PHLDB2: variants seen among roughly 807,000 people sequenced by gnomAD.
The protein encoded by PHLDB2 is pleckstrin homology like domain family B member 2.
In PHLDB2, 71 loss-of-function variants were observed where a neutral mutation model predicts 123.6. That is an observed-to-expected ratio of 0.57 (90% CI 0.47 to 0.70). The LOEUF (loss-of-function observed/expected upper bound fraction) is 0.70. Ranked by LOEUF, PHLDB2 falls within the 30% of genes least tolerant of loss-of-function variation. PHLDB2 has a pLI of 0.00. For missense variants in PHLDB2, 1,446 were observed against 1,519.5 expected (o/e 0.95, Z 0.80); for synonymous variants, 547 against 541.6 (o/e 1.01, Z -0.14).
chr3:111,803,814 A>G (rs1057075754), intron 1 of PHLDB2, among the ~76,000 whole-genome samples: 1 of 152,186 alleles, frequency 6.6e-6, no homozygotes, highest in African/African-American at 2.4e-5. Flanking sequence ...AAAGAATGAA[A>G]ATTTCCAATT....
chr3:111,859,421 G>C lies in PHLDB2; in HGVS notation c.-170G>C. 1 of 985,630 alleles carries C rather than the reference G, an allele frequency of 1.0e-6. No homozygotes were observed. Among genetic ancestry groups the C allele is most frequent in the Non-Finnish European group, 1.2e-6 (1 of 830,082 alleles). 61.1% of individuals were successfully genotyped at this position (985,630 alleles called of 1,614,324 possible). ...CTCGAACTCCCTGGGTGCCCGCCGCGGTGGTTACAAAGGGGGTCAAGAGTG... is the reference window on the plus strand; with the variant it reads ...CTCGAACTCCCTGGGTGCCCGCCGCCGTGGTTACAAAGGGGGTCAAGAGTG... On this transcript the variant is annotated 5_prime_UTR_variant, in exon 1 of 18. Coordinates refer to ENST00000431670, the MANE Select transcript of PHLDB2 (RefSeq NM_001134438.2).
intron 16 of PHLDB2, among the ~76,000 whole-genome samples, 179 bp from the exon 17 acceptor site, chr3:111,973,553 T>C (rs1045620079): frequency 6.6e-6 from 1 of 152,138 alleles, no homozygotes; most frequent in Non-Finnish European, 1.5e-5. Flanking sequence ...ATGGCTTTTC[T>C]TTTTTTATTT....
chr3:111,862,891 A>G (rs1337149946), intron 1 of PHLDB2, among the ~76,000 whole-genome samples: 1 of 152,074 alleles, frequency 6.6e-6, no homozygotes, highest in Non-Finnish European at 1.5e-5. Context: ...AAACTGAGAC[A>G]CTCAGAGCTT....
intron 1 of PHLDB2, among the ~76,000 whole-genome samples, chr3:111,820,986 G>A (rs1003179687): frequency 7.2e-5 from 11 of 152,306 alleles, no homozygotes; most frequent in Admixed American, 4.6e-4. Flanking sequence ...TGCTAGTTGG[G>A]AGAGTGCAAT....
intron 1 of PHLDB2, among the ~76,000 whole-genome samples, chr3:111,737,639 C>G (rs2059532486): frequency 6.6e-6 from 1 of 151,970 alleles, no homozygotes; most frequent in African/African-American, 2.4e-5. Context: ...AGGATTCAAA[C>G]AGTTTGAATG....
chr3:111,740,650 A>C (rs2059587674), intron 1 of PHLDB2, among the ~76,000 whole-genome samples: 2 of 152,142 alleles, frequency 1.3e-5, no homozygotes, highest in Admixed American at 1.3e-4. Context: ...GACTGTCACA[A>C]CCGTATTAAC....
Position 111,952,662 on chromosome 3 carries a change from A to G in PHLDB2, c.2722A>G (p.Ile908Val). The G allele has an allele frequency of 6.2e-7, 1 of 1,613,960 alleles. No individual in the cohort carries two copies. Among genetic ancestry groups the G allele is most frequent in the South Asian group, 1.1e-5 (1 of 91,076 alleles). Residue 908 changes from isoleucine (I) to valine (V), a missense_variant, in exon 11 of 18, where the codon ATC (isoleucine) becomes GTC (valine). This residue lies in a region of PHLDB2 where 594 missense variants were observed against 646.0 expected (regional missense o/e 0.92). Coordinates refer to ENST00000431670, the MANE Select transcript of PHLDB2 (RefSeq NM_001134438.2). ...GCCTCGAAAGAAAACCACATCTTCC[A>G]TCTCCCCACATTTCAGCAGTGCTAC... ...TLPRKKTTSS[I>V]SPHFSSATMG...
intron 5 of PHLDB2, among the ~76,000 whole-genome samples, chr3:111,926,901 T>C (rs1473860199): frequency 6.6e-6 from 1 of 152,208 alleles, no homozygotes; most frequent in Admixed American, 6.5e-5. Flanking sequence ...TCATATAATA[T>C]ACGCTATATA....
chr3:111,885,292 C>T lies in PHLDB2; in HGVS notation c.1215C>T (p.Pro405=). 2 of 1,614,180 alleles carry T rather than the reference C, an allele frequency of 1.2e-6. No homozygotes were observed. Among genetic ancestry groups the T allele is most frequent in the Non-Finnish European group, 1.7e-6 (2 of 1,180,034 alleles). The stretch of plus-strand genomic sequence containing the variant: ...GCCTCAGACAGGCCTCAGGAACCCC[C>T]CAGCCTGCCCTTCGGGAACGGAAAA... ...LESLRQASGT[P]QPALRERKSS... Residue 405 remains proline, a synonymous_variant, in exon 2 of 18, where the codon CCC becomes CCT. Transcript: ENST00000431670.
At chr3:111,770,980 C>A (rs4234404) in intron 1 of PHLDB2, among the ~76,000 whole-genome samples, 131,675 of 152,154 alleles carry the variant, frequency 0.87, 57,883 homozygotes, top group East Asian at 1. Flanking sequence ...GGAGCCCAGC[C>A]GCCTCATGGC....
At position 111,974,656 on chromosome 3, in the gene PHLDB2, A is replaced by T; in HGVS notation, c.*93A>T. 7.8e-7 allele frequency: 1 copy of T among 1,284,664 alleles called. No homozygotes were observed. Among genetic ancestry groups the T allele is most frequent in the East Asian group, 2.6e-5 (1 of 38,178 alleles). 79.6% of individuals were successfully genotyped at this position (1,284,664 alleles called of 1,614,324 possible). A position where few individuals can be genotyped will look rare whatever the true frequency, so the allele number is the denominator to read the frequency against. On this transcript the variant is annotated 3_prime_UTR_variant, in exon 18 of 18. Coordinates refer to ENST00000431670, the MANE Select transcript of PHLDB2 (RefSeq NM_001134438.2). Reference sequence around the variant, plus strand: ...AACCCCAGATGAGAAAACCCAACAGATCCATCCCTTGAGCTGTAAACACTC... The same window carrying T: ...AACCCCAGATGAGAAAACCCAACAGTTCCATCCCTTGAGCTGTAAACACTC...
intron 2 of PHLDB2, among the ~76,000 whole-genome samples, chr3:111,847,017 A>G (rs2064024658): frequency 6.6e-6 from 1 of 152,224 alleles, no homozygotes; most frequent in South Asian, 2.1e-4. Context: ...ACTCATGTGA[A>G]TAACTGCAGG....
At chr3:111,933,455 T>G (rs1204851756) in intron 6 of PHLDB2, among the ~76,000 whole-genome samples, 1 of 152,202 alleles carries the variant, frequency 6.6e-6, no homozygotes, top group Non-Finnish European at 1.5e-5. Context: ...AAAATAACAG[T>G]TAAAGCTTTT....
intron 2 of PHLDB2, among the ~76,000 whole-genome samples, chr3:111,887,382 T>C (rs1033947473): frequency 2.0e-5 from 3 of 152,236 alleles, no homozygotes; most frequent in East Asian, 1.9e-4. Flanking sequence ...TGATCTTGGT[T>C]GCATGGTCTA....
intron 1 of PHLDB2, among the ~76,000 whole-genome samples, chr3:111,877,158 A>T (rs1297062193): frequency 6.6e-6 from 1 of 152,252 alleles, no homozygotes; most frequent in African/African-American, 2.4e-5. Context: ...GACTTCCACA[A>T]TGGTTGAACT....
chr3:111,761,501 A>G (rs1404500534), intron 1 of PHLDB2, among the ~76,000 whole-genome samples: 1 of 152,240 alleles, frequency 6.6e-6, no homozygotes, highest in Non-Finnish European at 1.5e-5. Flanking sequence ...AAAAGGCAGA[A>G]ACTCAGAAGA....
At chr3:111,941,031 G>A (rs1461850000) in intron 8 of PHLDB2, among the ~76,000 whole-genome samples, 1 of 152,122 alleles carries the variant, frequency 6.6e-6, no homozygotes, top group Non-Finnish European at 1.5e-5. Flanking sequence ...CAAATATTTT[G>A]GCCCAGCTGA....
At chr3:111,870,094 A>G (rs955515962) in intron 1 of PHLDB2, among the ~76,000 whole-genome samples, 2 of 152,134 alleles carry the variant, frequency 1.3e-5, no homozygotes, top group African/African-American at 2.4e-5. Flanking sequence ...TGTGTGGAGG[A>G]AGAGTTTAAA....
intron 1 of PHLDB2, among the ~76,000 whole-genome samples, chr3:111,883,098 T>C (rs2066009598): frequency 6.6e-6 from 1 of 152,196 alleles, no homozygotes; most frequent in Non-Finnish European, 1.5e-5. Flanking sequence ...TAAACTGTAT[T>C]TTCCCTTTGC....
Sources: gnomAD v4.1 joint callset for allele counts (sites outside exome capture counted in the v4.1 genomes callset) on GRCh38, gnomAD v4.1.1 for gene constraint, gnomAD v4.1.1 regional missense constraint, MANE v1.5 for transcripts, NCBI Gene and HGNC (gene_info 2026-07-23, HGNC 2026-07-21) for gene names.